Variants in SLC8A1 observed in about 807,000 individuals in gnomAD.
SLC8A1 encodes sodium/calcium exchanger 1.
Under a neutral mutation model 68.3 loss-of-function variants are expected in SLC8A1, and 18 were observed. The ratio of observed to expected loss-of-function variants is 0.26; its 90% CI spans 0.18 to 0.39. The LOEUF is 0.39. Ranked by LOEUF, SLC8A1 falls within the 10% of genes least tolerant of loss-of-function variation. The pLI is 1.00. For synonymous variants in SLC8A1, 475 were observed against 415.5 expected (o/e 1.14, Z -1.74); for missense variants, 985 against 1,156.7 (o/e 0.85, Z 2.15).
chr2:40,352,280 C>T (rs1313125182), intron 2 of SLC8A1, among the ~76,000 whole-genome samples: 1 of 152,066 alleles, frequency 6.6e-6, no homozygotes, highest in African/African-American at 2.4e-5. Context: ...TTAAATTTAA[C>T]CCAGAAAATT....
chr2:40,242,895 C>G (rs951089128), intron 2 of SLC8A1, among the ~76,000 whole-genome samples: 5 of 152,128 alleles, frequency 3.3e-5, no homozygotes, highest in African/African-American at 1.2e-4. Flanking sequence ...TTTGCTGTCT[C>G]CATTTTTATA....
chr2:40,293,317 T>A (rs1020981958), intron 2 of SLC8A1, among the ~76,000 whole-genome samples: 6 of 152,106 alleles, frequency 3.9e-5, no homozygotes, highest in African/African-American at 1.4e-4. Flanking sequence ...ACATAAATAT[T>A]TGTCATATTA....
chr2:40,102,660 T>C (rs1226891802), exon 8 of SLC8A1: 2 of 152,180 alleles, frequency 1.3e-5, no homozygotes, highest in Non-Finnish European at 2.9e-5. Context: ...TCACAGGTTC[T>C]CTTCCTTAAA....
intron 2 of SLC8A1, among the ~76,000 whole-genome samples, chr2:40,411,071 G>C (rs1691987956): frequency 6.6e-6 from 1 of 151,938 alleles, no homozygotes; most frequent in African/African-American, 2.4e-5. Context: ...AAAGTTGTAT[G>C]GCACTAAGAC....
chr2:40,342,001 T>G (rs1248449097), intron 2 of SLC8A1, among the ~76,000 whole-genome samples: 8 of 152,124 alleles, frequency 5.3e-5, no homozygotes, highest in African/African-American at 1.7e-4. Context: ...CCTTTCAGCA[T>G]CATATGGGAG....
intron 2 of SLC8A1, among the ~76,000 whole-genome samples, chr2:40,187,219 T>C (rs1429292725): frequency 4.6e-5 from 7 of 152,166 alleles, no homozygotes; most frequent in Non-Finnish European, 1.0e-4. Context: ...CAGGTTCTCA[T>C]TCACCACTAG....
At chr2:40,239,404 G>C (rs1238154169) in intron 2 of SLC8A1, among the ~76,000 whole-genome samples, 1 of 152,156 alleles carries the variant, frequency 6.6e-6, no homozygotes, top group Non-Finnish European at 1.5e-5. Flanking sequence ...GAGGTGAATA[G>C]ATTTAGGGCT....
At chr2:40,207,746 C>T (rs1325049346) in intron 2 of SLC8A1, among the ~76,000 whole-genome samples, 3 of 152,006 alleles carry the variant, frequency 2.0e-5, no homozygotes, top group East Asian at 1.9e-4. Flanking sequence ...TTTGGTTTAA[C>T]GGTGTGTAGT....
chr2:40,434,075 A>G lies in SLC8A1; in HGVS notation c.-24-3771T>C, dbSNP rs576494194. 3.3e-5 allele frequency among the ~76,000 whole-genome samples: 5 copies of G among 152,282 alleles called. No individual in the cohort carries two copies. The South Asian group carries it at 1.0e-3, about 32-fold the overall frequency. On this transcript the variant is annotated intron_variant, in intron 1 of 7. Transcript: ENST00000406785. ...TCAGGGCAATCTCCTGGGCCAGCCA[A>G]GAAAAAGCCCTGCCCTTTATCCCTT... is the stretch of plus-strand genomic sequence containing the variant.
At chr2:40,475,737 A>G (rs1301203998) in intron 1 of SLC8A1, among the ~76,000 whole-genome samples, 1 of 152,096 alleles carries the variant, frequency 6.6e-6, no homozygotes, top group Admixed American at 6.5e-5. Context: ...AAAGCTCTTT[A>G]GTTGCTGAAG....
At chr2:40,346,069 A>G (rs1045360777) in intron 2 of SLC8A1, among the ~76,000 whole-genome samples, 10 of 150,328 alleles carry the variant, frequency 6.7e-5, no homozygotes, top group African/African-American at 2.2e-4. Context: ...AAAAAAAAAA[A>G]AAAAGAAAGA....
intron 2 of SLC8A1, among the ~76,000 whole-genome samples, chr2:40,309,151 G>A (rs1335167077): frequency 6.6e-6 from 1 of 152,066 alleles, no homozygotes. Flanking sequence ...GCTTTTGAGG[G>A]GACACATACC....
intron 2 of SLC8A1, among the ~76,000 whole-genome samples, chr2:40,332,575 G>T (rs1387934599): frequency 2.6e-5 from 4 of 152,100 alleles, no homozygotes. Context: ...GAGAAAAAAG[G>T]CTGGTGAGCC....
At chr2:40,288,731 G>T (rs1410047537) in intron 2 of SLC8A1, among the ~76,000 whole-genome samples, 2 of 151,822 alleles carry the variant, frequency 1.3e-5, no homozygotes, top group Non-Finnish European at 2.9e-5. Context: ...GATGTTTGGA[G>T]CTAGTTTACC....
At chr2:40,369,476 T>C (rs1231586956) in intron 2 of SLC8A1, among the ~76,000 whole-genome samples, 1 of 152,040 alleles carries the variant, frequency 6.6e-6, no homozygotes, top group Non-Finnish European at 1.5e-5. Context: ...TAAGAGAAAA[T>C]GAATAGATTT....
At chr2:40,200,195 T>TATAAATATATATATAA (rs1558721140) in intron 2 of SLC8A1, among the ~76,000 whole-genome samples, 1 of 8,850 alleles carries the variant, frequency 1.1e-4, no homozygotes, top group African/African-American at 2.7e-4. Context: ...TATATATTTA[T>TATAAATATATATATAA]ATATATATAT....
chr2:40,480,994 C>A (rs1335627366), intron 1 of SLC8A1, among the ~76,000 whole-genome samples: 1 of 152,092 alleles, frequency 6.6e-6, no homozygotes, highest in Non-Finnish European at 1.5e-5. Flanking sequence ...ATAATGATAT[C>A]CTTTAATGTG....
intron 2 of SLC8A1, among the ~76,000 whole-genome samples, chr2:40,392,349 C>A (rs757949058): frequency 2.2e-4 from 34 of 152,044 alleles, no homozygotes; most frequent in Admixed American, 4.6e-4. Context: ...TACCCGTTCC[C>A]ACTAGGCATT....
At chr2:40,292,669 G>A (rs2069548277) in intron 2 of SLC8A1, among the ~76,000 whole-genome samples, 2 of 152,154 alleles carry the variant, frequency 1.3e-5, no homozygotes, top group Admixed American at 1.3e-4. Flanking sequence ...GAAGCCTTCT[G>A]TCAACTGACT....
Sources: gnomAD v4.1 joint callset for allele counts (sites outside exome capture counted in the v4.1 genomes callset) on GRCh38, gnomAD v4.1.1 for gene constraint, MANE v1.5 for transcripts, NCBI Gene and HGNC (gene_info 2026-07-23, HGNC 2026-07-21) for gene names.